The following SEC23B variants were observed in gnomAD, a reference collection of about 807,000 sequenced individuals.
The protein encoded by SEC23B is protein transport protein Sec23B.
Under a neutral mutation model 104.3 loss-of-function variants are expected in SEC23B, and 77 were observed. That is an observed-to-expected ratio of 0.74 (90% CI 0.61 to 0.89). SEC23B has a LOEUF of 0.89. Among genes scored for constraint, SEC23B ranks in the 40% least tolerant of loss-of-function variants. The pLI, the probability that SEC23B is intolerant of heterozygous loss-of-function variation, is 0.00. For missense variants in SEC23B, 885 were observed against 949.4 expected, an observed-to-expected ratio of 0.93 and a Z score of 0.89; for synonymous variants, 338 against 332.5, an observed-to-expected ratio of 1.02 and a Z score of -0.18.
intron 12 of SEC23B, among the ~76,000 whole-genome samples, chr20:18,540,881 T>A (rs758135728): frequency 6.6e-6 from 1 of 152,176 alleles, no homozygotes; most frequent in Admixed American, 6.5e-5. Context: ...AGTCACCAGC[T>A]GCATTAGATC....
At chr20:18,512,100 G>A (rs1274031860) in intron 2 of SEC23B, 125 bp from the exon 3 acceptor site, 2 of 651,122 alleles carry the variant, frequency 3.1e-6, no homozygotes, top group Admixed American at 2.9e-5. Context: ...CATACACATA[G>A]AAACACTTAC....
At chr20:18,513,622 T>A (rs2060000044) in intron 3 of SEC23B, among the ~76,000 whole-genome samples, 1 of 152,200 alleles carries the variant, frequency 6.6e-6, no homozygotes, top group Non-Finnish European at 1.5e-5. Flanking sequence ...CATATAAGTC[T>A]AGTGATGAAG....
chr20:18,542,509 C>T, intron 13 of SEC23B, 107 bp downstream of exon 13: 1 of 1,089,528 alleles, frequency 9.2e-7, no homozygotes, highest in Non-Finnish European at 1.4e-6. Context: ...TTGAATGGTT[C>T]TCACCAGACC....
intron 17 of SEC23B, among the ~76,000 whole-genome samples, 156 bp from the exon 18 acceptor site, chr20:18,554,079 G>A (rs933644672): frequency 1.5e-4 from 23 of 152,196 alleles, no homozygotes; most frequent in African/African-American, 5.3e-4. Context: ...CCTCCTGCCG[G>A]TAGCTCTGCT....
Position 18,545,966 on chromosome 20 carries a change from T to C in SEC23B, c.1676T>C (p.Phe559Ser). 1 of 1,578,226 alleles carries C rather than the reference T, an allele frequency of 6.3e-7. No homozygotes were observed. Among genetic ancestry groups the C allele is most frequent in the Non-Finnish European group, 8.7e-7 (1 of 1,147,300 alleles). The part of the protein sequence containing the change: ...DRQLIRLCQK[F>S]GQYNKEDPTS... ...ATTTTCTTTCCATAGTGTCAAAAGTTTGGACAGTATAACAAAGAAGACCCC... is the reference window on the plus strand; with the variant it reads ...ATTTTCTTTCCATAGTGTCAAAAGTCTGGACAGTATAACAAAGAAGACCCC... The change falls in exon 15 of 20, where the codon TTT becomes TCT. Residue 559 changes from phenylalanine to serine, a missense_variant. Physicochemically the swap from Phe to Ser is radical, Grantham distance 155. Transcript: ENST00000650089.
chr20:18,511,001 T>C lies in SEC23B; in HGVS notation c.166T>C (p.Tyr56His), dbSNP rs1389958627. Residue 56 changes from tyrosine (Y) to histidine (H), a missense_variant, in exon 2 of 20, where the codon TAT (tyrosine) becomes CAT (histidine). Physicochemically the swap from Tyr to His is moderately conservative, Grantham distance 83. Transcript: ENST00000650089. The stretch of plus-strand genomic sequence containing the variant: ...ACGTCCAGACCTACCTCCTGTACAA[T>C]ATGAACCTGTGCTTTGCAGCAGGCC... ...KERPDLPPVQ[Y>H]EPVLCSRPTC... The C allele has an allele frequency of 6.2e-7, 1 of 1,614,066 alleles. No individual in the cohort carries two copies. The highest frequency in any genetic ancestry group is 8.5e-7 in the Non-Finnish European group (1 of 1,180,024).
chr20:18,523,887 A>AT lies in SEC23B; in HGVS notation c.367-537dup, dbSNP rs1017880987. On this transcript the variant is annotated intron_variant, in intron 4 of 19. Coordinates refer to ENST00000650089, the MANE Select transcript of SEC23B (RefSeq NM_006363.6). ...CCCCAACTAATTTTTAAATTTTTAT[A>AT]TTTTTTTTTGTTAGAGACGGGGTCT... Among the ~76,000 whole-genome samples, 14 of 150,034 alleles carry AT rather than the reference A, an allele frequency of 9.3e-5. No individual in the cohort carries two copies. In the South Asian group the frequency reaches 1.9e-3, roughly 20 times the overall value.
At chr20:18,551,424 TA>T (rs2060385978) in intron 17 of SEC23B, among the ~76,000 whole-genome samples, 2 of 152,176 alleles carry the variant, frequency 1.3e-5, no homozygotes, top group South Asian at 2.1e-4. Flanking sequence ...TATTTGCTGT[TA>T]AGTATGGGCC....
At chr20:18,518,718 G>A (rs1216145467) in intron 4 of SEC23B, among the ~76,000 whole-genome samples, 1 of 151,364 alleles carries the variant, frequency 6.6e-6, no homozygotes, top group Non-Finnish European at 1.5e-5. Context: ...AGGGACAGAA[G>A]TTGGAATGCT....
In SEC23B at chr20:18,526,414, T is replaced by G; in HGVS notation, c.876T>G (p.Thr292=). Residue 292 remains threonine, a synonymous_variant, in exon 8 of 20, where the codon ACT becomes ACG. Transcript: ENST00000650089. ...PNTGARIMLF[T]GGPPTQGPGM... ...CAGGAGCCAGGATCATGCTGTTTAC[T>G]GGAGGTCCCCCTACCCAAGGGCCTG... The G allele has an allele frequency of 6.2e-7, 1 of 1,614,240 alleles. No homozygotes were observed. Among genetic ancestry groups the G allele is most frequent in the East Asian group, 2.2e-5 (1 of 44,886 alleles).
chr20:18,552,972 A>G (rs567229891), intron 17 of SEC23B, among the ~76,000 whole-genome samples: 10 of 152,328 alleles, frequency 6.6e-5, no homozygotes, highest in East Asian at 3.9e-4. Context: ...TTGAGTATCT[A>G]TGGAATTTGG....
chr20:18,536,703 A>G (rs1220505086), intron 12 of SEC23B, among the ~76,000 whole-genome samples: 1 of 152,118 alleles, frequency 6.6e-6, no homozygotes, highest in Non-Finnish European at 1.5e-5. Flanking sequence ...AAAAAAAAAA[A>G]AAATCCACAT....
chr20:18,515,740 A>C lies in SEC23B; in HGVS notation c.366+4A>C, dbSNP rs1395646079. On this transcript the variant is annotated splice_donor_region_variant and intron_variant, in intron 4 of 19. Coordinates refer to ENST00000650089, the MANE Select transcript of SEC23B (RefSeq NM_006363.6). Reference sequence around the variant, plus strand: ...TACAATTGAGTACGTGATACAGGTAATTTCTTTGTTGTGCATTTAATGAGC... The same window carrying C: ...TACAATTGAGTACGTGATACAGGTACTTTCTTTGTTGTGCATTTAATGAGC... 1 of 1,558,596 alleles carries C rather than the reference A, an allele frequency of 6.4e-7. No individual in the cohort carries two copies. Among genetic ancestry groups the C allele is most frequent in the East Asian group, 2.2e-5 (1 of 44,612 alleles).
rs967988810 is a variant in SEC23B at position 18,510,821 on chromosome 20, G to T, written c.-14-1G>T. The T allele has an allele frequency of 4.4e-6, 7 of 1,607,214 alleles. No individual in the cohort carries two copies. The Middle Eastern group carries it at 5.0e-4, about 114-fold the overall frequency. ...TAAGGTAATTAAAGTTTTATCTTCAGTTCCCTTTTAGACTATGGCGACATA... is the reference window on the plus strand; with the variant it reads ...TAAGGTAATTAAAGTTTTATCTTCATTTCCCTTTTAGACTATGGCGACATA... On this transcript the variant is annotated splice_acceptor_variant, in intron 1 of 19. Transcript: ENST00000650089. LOFTEE classifies it low-confidence loss of function (5UTR_SPLICE).
Position 18,548,717 on chromosome 20 carries a change from C to A in SEC23B, c.1852C>A (p.Leu618Ile). ...TGCCCGGCAGGACCTGACCCAGTCC[C>A]TCATCATGATCCAGCCCATTCTCTA... ...HFARQDLTQS[L>I]IMIQPILYSY... is the part of the protein sequence containing the mutation. The change falls in exon 16 of 20, where the codon CTC (leucine) becomes ATC (isoleucine). Residue 618 changes from leucine (L) to isoleucine (I), a missense_variant. Leu to Ile is a conservative substitution (Grantham distance 5). Coordinates refer to ENST00000650089, the MANE Select transcript of SEC23B (RefSeq NM_006363.6). The A allele has an allele frequency of 6.2e-7, 1 of 1,614,190 alleles. No individual in the cohort carries two copies. The highest frequency in any genetic ancestry group is 8.5e-7 in the Non-Finnish European group (1 of 1,180,030).
chr20:18,552,336 C>T (rs752149196), intron 17 of SEC23B, among the ~76,000 whole-genome samples: 17 of 152,184 alleles, frequency 1.1e-4, no homozygotes, highest in Admixed American at 8.5e-4. Flanking sequence ...GCCACTTGCA[C>T]GCAAGTGCTA....
chr20:18,545,037 GATAAT>G (rs1286278671), intron 14 of SEC23B, among the ~76,000 whole-genome samples: 1 of 109,766 alleles, frequency 9.1e-6, no homozygotes, highest in African/African-American at 3.0e-5. Flanking sequence ...GATAATTTTT[GATAAT>G]TGAATGTGAA....
At chr20:18,532,338 G>C (rs1394275305) in intron 10 of SEC23B, among the ~76,000 whole-genome samples, 1 of 152,194 alleles carries the variant, frequency 6.6e-6, no homozygotes, top group African/African-American at 2.4e-5. Context: ...ACATGAATGT[G>C]AATATATTCA....
intron 3 of SEC23B, 26 bp downstream of exon 3, chr20:18,512,308 T>C: frequency 7.2e-7 from 1 of 1,389,932 alleles, no homozygotes; most frequent in South Asian, 1.2e-5. Context: ...TTAAAAAATG[T>C]TATATGTTTT....
Sources: gnomAD v4.1 joint callset for allele counts (sites outside exome capture counted in the v4.1 genomes callset) on GRCh38, gnomAD v4.1.1 for gene constraint, MANE v1.5 for transcripts, NCBI Gene and HGNC (gene_info 2026-07-23, HGNC 2026-07-21) for gene names.